The following SMG6 variants were observed in gnomAD, a reference collection of about 807,000 sequenced individuals.
SMG6 encodes the protein telomerase-binding protein EST1A.
A neutral mutation model predicts 142.2 loss-of-function variants in SMG6; 66 were observed. The observed-to-expected ratio is 0.46, with a 90% confidence interval of 0.38 to 0.57. The LOEUF (loss-of-function observed/expected upper bound fraction) is 0.57, where lower values mean the gene tolerates loss of function less well. SMG6 is among the 20% of genes least tolerant of loss of function. The pLI is 0.00. For missense variants in SMG6, 1,793 were observed against 1,832.0 expected, an observed-to-expected ratio of 0.98 and a Z score of 0.39; for synonymous variants, 779 against 702.4, an observed-to-expected ratio of 1.11 and a Z score of -1.72.
At chr17:2,244,816 C>G in intron 8 of SMG6, 97 bp from the exon 9 acceptor site, 1 of 1,021,256 alleles carries the variant, frequency 9.8e-7, no homozygotes, top group African/African-American at 1.6e-5. Context: ...TGGCCAGGGT[C>G]TAAGGGGTGG....
chr17:2,176,106 A>G (rs2071645869), intron 12 of SMG6, among the ~76,000 whole-genome samples: 1 of 152,206 alleles, frequency 6.6e-6, no homozygotes, highest in South Asian at 2.1e-4. Context: ...CAAAAGGATG[A>G]GGTAATTCCT....
chr17:2,296,500 G>A (rs1316067984), intron 4 of SMG6, among the ~76,000 whole-genome samples: 1 of 152,168 alleles, frequency 6.6e-6, no homozygotes. Context: ...TGGTCTGAGC[G>A]GTGGGCAGGC....
At chr17:2,290,012 A>C (rs1207661614) in intron 6 of SMG6, among the ~76,000 whole-genome samples, 1 of 151,026 alleles carries the variant, frequency 6.6e-6, no homozygotes, top group East Asian at 1.9e-4. Context: ...TATTTCTCCC[A>C]ATAGCAAATC....
chr17:2,180,720 C>T (rs1449147375), intron 12 of SMG6, among the ~76,000 whole-genome samples: 1 of 151,954 alleles, frequency 6.6e-6, no homozygotes, highest in Non-Finnish European at 1.5e-5. Flanking sequence ...AAGAGGGTAA[C>T]AAATTAAAGA....
chr17:2,183,906 G>A (rs2071886244), intron 12 of SMG6, among the ~76,000 whole-genome samples: 1 of 152,040 alleles, frequency 6.6e-6, no homozygotes, highest in Non-Finnish European at 1.5e-5. Context: ...GATACAGGAA[G>A]ACCCACATAC....
At chr17:2,173,434 ATT>A (rs1302318909) in intron 12 of SMG6, among the ~76,000 whole-genome samples, 1 of 152,210 alleles carries the variant, frequency 6.6e-6, no homozygotes, top group East Asian at 1.9e-4. Context: ...CAAAAACCTC[ATT>A]CCTGGCCCAT....
At chr17:2,211,898 C>T (rs2072876941) in intron 10 of SMG6, among the ~76,000 whole-genome samples, 1 of 152,110 alleles carries the variant, frequency 6.6e-6, no homozygotes, top group African/African-American at 2.4e-5. Flanking sequence ...GCCCAACCTG[C>T]CAATCAAAAG....
intron 17 of SMG6, 32 bp downstream of exon 17, chr17:2,065,436 G>A (rs201035387): frequency 6.3e-7 from 1 of 1,595,456 alleles, no homozygotes; most frequent in African/African-American, 1.3e-5. Flanking sequence ...GAAGCTGGCT[G>A]TGGGCTTTCC....
chr17:2,064,569 G>A (rs1331907035), intron 18 of SMG6, among the ~76,000 whole-genome samples: 2 of 152,170 alleles, frequency 1.3e-5, no homozygotes, highest in Non-Finnish European at 2.9e-5. Context: ...CTATTCACTG[G>A]GGAAATGCCT....
intron 13 of SMG6, among the ~76,000 whole-genome samples, chr17:2,099,816 A>G (rs1456277582): frequency 6.6e-6 from 1 of 152,172 alleles, no homozygotes; most frequent in Non-Finnish European, 1.5e-5. Context: ...TTCAAAACCA[A>G]CTGTATCACA....
chr17:2,230,128 G>A (rs2073430201), intron 10 of SMG6, among the ~76,000 whole-genome samples: 2 of 137,538 alleles, frequency 1.5e-5, no homozygotes, highest in Non-Finnish European at 3.1e-5. Flanking sequence ...AGAGGTTGCA[G>A]TGAGCTGAGA....
chr17:2,191,458 A>T (rs2072160531), intron 10 of SMG6, among the ~76,000 whole-genome samples: 1 of 152,166 alleles, frequency 6.6e-6, no homozygotes, highest in Admixed American at 6.5e-5. Flanking sequence ...AGGAAAAGGC[A>T]TTGTTTGCCT....
intron 13 of SMG6, among the ~76,000 whole-genome samples, chr17:2,162,132 T>C (rs1597495427): frequency 6.6e-6 from 1 of 152,218 alleles, no homozygotes; most frequent in Non-Finnish European, 1.5e-5. Context: ...ATTCATGTTA[T>C]AGGTAAACAT....
chr17:2,267,012 A>G (rs2074436359), intron 8 of SMG6, among the ~76,000 whole-genome samples: 1 of 152,226 alleles, frequency 6.6e-6, no homozygotes, highest in Admixed American at 6.5e-5. Flanking sequence ...TCCCACAGAA[A>G]GAGGCTCTAA....
In SMG6 at chr17:2,068,980, G is replaced by T. The variant is rs2068024718; in HGVS notation, c.3682-49C>A. On this transcript the variant is annotated intron_variant, in intron 15 of 18. Transcript: ENST00000263073. This position sits in a 1 kb window ranked among gnomAD's most constrained non-coding sequence, Gnocchi z 6.7. ...AGCCAGACAGCGAGCAGGCAAGCAG[G>T]TGGGTGAGCCAGGGCCCTGACACTA... The T allele has an allele frequency of 6.3e-7, 1 of 1,598,698 alleles. No homozygotes were observed. Among genetic ancestry groups the T allele is most frequent in the South Asian group, 1.1e-5 (1 of 89,326 alleles).
At chr17:2,289,490 G>A (rs1405697769) in intron 6 of SMG6, among the ~76,000 whole-genome samples, 2 of 152,070 alleles carry the variant, frequency 1.3e-5, no homozygotes, top group Admixed American at 6.6e-5. Flanking sequence ...CCAGGAGGTC[G>A]AGACTGCAGT....
intron 15 of SMG6, chr17:2,072,914 T>C (rs960600142): frequency 6.6e-6 from 1 of 152,256 alleles, no homozygotes; most frequent in Non-Finnish European, 1.5e-5. Flanking sequence ...GCAAAGTGCC[T>C]GACACATATT....
intron 10 of SMG6, among the ~76,000 whole-genome samples, chr17:2,200,413 G>A (rs1328936384): frequency 1.3e-5 from 2 of 151,224 alleles, no homozygotes; most frequent in Non-Finnish European, 2.9e-5. Context: ...CAACGTGCAG[G>A]TTTGTCACAT....
intron 6 of SMG6, among the ~76,000 whole-genome samples, chr17:2,291,286 G>C (rs182190969): frequency 3.3e-5 from 5 of 151,714 alleles, no homozygotes; most frequent in East Asian, 1.9e-4. Context: ...AGCCGAGATC[G>C]CGCCACTGCA....
Sources: allele counts gnomAD v4.1 joint callset (sites outside exome capture counted in the v4.1 genomes callset), GRCh38; gene constraint gnomAD v4.1.1; non-coding constraint Gnocchi (gnomAD v3.1); transcripts MANE v1.5; gene names NCBI Gene and HGNC (gene_info 2026-07-23, HGNC 2026-07-21).